The following SIPA1L1 variants were observed in gnomAD, a reference collection of about 807,000 sequenced individuals.
The protein encoded by SIPA1L1 is signal induced proliferation associated 1 like 1, also known as signal-induced proliferation-associated 1-like protein 1.
A neutral mutation model predicts 162.7 loss-of-function variants in SIPA1L1; 26 were observed. The ratio of observed to expected loss-of-function variants is 0.16; its 90% CI spans 0.12 to 0.22. The LOEUF is 0.22. Among genes scored for constraint, SIPA1L1 ranks in the 10% least tolerant of loss-of-function variants. The pLI is 1.00. For missense variants in SIPA1L1, 1,874 were observed against 2,241.0 expected, an observed-to-expected ratio of 0.84 and a Z score of 3.31; for synonymous variants, 829 against 837.4, an observed-to-expected ratio of 0.99 and a Z score of 0.17.
At chr14:71,601,259 G>A (rs955298413) in intron 5 of SIPA1L1, among the ~76,000 whole-genome samples, 2 of 152,058 alleles carry the variant, frequency 1.3e-5, no homozygotes, top group African/African-American at 4.8e-5. Flanking sequence ...TGATGTTGAG[G>A]TCTGTTTCTT....
chr14:71,365,566 G>A (rs1194838152), intron 2 of SIPA1L1, among the ~76,000 whole-genome samples: 1 of 152,062 alleles, frequency 6.6e-6, no homozygotes, highest in Non-Finnish European at 1.5e-5. Flanking sequence ...TCCCAGTGGA[G>A]CATACAAGTT....
chr14:71,442,862 G>A (rs1014694015), intron 2 of SIPA1L1, among the ~76,000 whole-genome samples: 2 of 152,196 alleles, frequency 1.3e-5, no homozygotes, highest in African/African-American at 4.8e-5. Flanking sequence ...CTTGAGCCCA[G>A]GAGGTCAAGG....
rs1035695338 is a variant in SIPA1L1 at position 71,587,699 on chromosome 14, A to G, written c.-174A>G. The G allele has an allele frequency of 6.2e-6, 4 of 642,094 alleles. No homozygotes were observed. Among genetic ancestry groups the G allele is most frequent in the Admixed American group, 5.7e-5 (2 of 35,044 alleles). The allele number at this position is 642,094 out of a possible 1,614,324, so 39.8% of individuals were successfully genotyped here. A position where few individuals can be genotyped will look rare whatever the true frequency, so the allele number is the denominator to read the frequency against. ...GTGGATTATAACGTTTAGAAGTTCCAATTTTTCAGTGCTTTACAAATAAAG... is the reference window on the plus strand; with the variant it reads ...GTGGATTATAACGTTTAGAAGTTCCGATTTTTCAGTGCTTTACAAATAAAG... On this transcript the variant is annotated 5_prime_UTR_variant, in exon 5 of 24. Transcript: ENST00000381232.
intron 7 of SIPA1L1, among the ~76,000 whole-genome samples, chr14:71,632,884 T>G (rs2040724032): frequency 6.6e-6 from 1 of 152,224 alleles, no homozygotes; most frequent in African/African-American, 2.4e-5. Flanking sequence ...GAAGGCCTGC[T>G]AAATAGAGGA....
At chr14:71,485,323 C>T (rs1310223303) in intron 2 of SIPA1L1, among the ~76,000 whole-genome samples, 2 of 152,208 alleles carry the variant, frequency 1.3e-5, no homozygotes, top group East Asian at 3.9e-4. Flanking sequence ...TCTGTGGCCT[C>T]TTGGGAACTG....
intron 6 of SIPA1L1, among the ~76,000 whole-genome samples, chr14:71,621,462 A>T (rs1487220112): frequency 6.6e-6 from 1 of 152,072 alleles, no homozygotes; most frequent in Non-Finnish European, 1.5e-5. Flanking sequence ...CAGGGCTCAG[A>T]TGCCCGTCAT....
chr14:71,407,351 T>C (rs1208904215), intron 2 of SIPA1L1, among the ~76,000 whole-genome samples: 2 of 152,220 alleles, frequency 1.3e-5, no homozygotes, highest in Non-Finnish European at 2.9e-5. Context: ...TAGACAGTTT[T>C]AGGCTGCAAC....
At chr14:71,735,975 T>C (rs1394453664) in intron 22 of SIPA1L1, among the ~76,000 whole-genome samples, 2 of 152,322 alleles carry the variant, frequency 1.3e-5, no homozygotes, top group Admixed American at 1.3e-4. Context: ...AGTTTCAAAA[T>C]GGTGAGGTTG....
intron 2 of SIPA1L1, among the ~76,000 whole-genome samples, chr14:71,458,862 G>A (rs1255359151): frequency 2.6e-5 from 4 of 152,030 alleles, no homozygotes; most frequent in Non-Finnish European, 5.9e-5. Flanking sequence ...CCTGAGCTCA[G>A]GAGTTAGAGA....
chr14:71,727,758 G>A (rs2084376707), intron 19 of SIPA1L1, among the ~76,000 whole-genome samples: 1 of 152,262 alleles, frequency 6.6e-6, no homozygotes, highest in South Asian at 2.1e-4. Context: ...AAGGCAGGCA[G>A]GGGCTGCTCT....
chr14:71,638,402 T>C (rs1485072698), intron 7 of SIPA1L1, among the ~76,000 whole-genome samples: 1 of 152,194 alleles, frequency 6.6e-6, no homozygotes, highest in Non-Finnish European at 1.5e-5. Context: ...AATCAATTAA[T>C]GTAGCCCATC....
At chr14:71,624,883 A>G (rs924885634) in intron 7 of SIPA1L1, among the ~76,000 whole-genome samples, 2 of 152,198 alleles carry the variant, frequency 1.3e-5, no homozygotes, top group Admixed American at 1.3e-4. Context: ...ATTTTTAAAT[A>G]TAAAAATGTA....
intron 7 of SIPA1L1, among the ~76,000 whole-genome samples, chr14:71,639,926 C>T (rs1327510431): frequency 6.6e-6 from 1 of 151,838 alleles, no homozygotes; most frequent in Non-Finnish European, 1.5e-5. Context: ...TTTTTTGAGA[C>T]TGAGTCTTGC....
intron 12 of SIPA1L1, among the ~76,000 whole-genome samples, chr14:71,675,536 G>T (rs2045059397): frequency 6.6e-6 from 1 of 152,222 alleles, no homozygotes; most frequent in South Asian, 2.1e-4. Flanking sequence ...ACTTCAAAGG[G>T]AACAGCTGAA....
At chr14:71,607,967 G>A (rs1226034415) in intron 5 of SIPA1L1, among the ~76,000 whole-genome samples, 1 of 152,164 alleles carries the variant, frequency 6.6e-6, no homozygotes, top group Non-Finnish European at 1.5e-5. Flanking sequence ...TTTCCCAAAT[G>A]TATACCTCAT....
chr14:71,515,145 TA>T (rs952589201), intron 3 of SIPA1L1, among the ~76,000 whole-genome samples: 2 of 152,332 alleles, frequency 1.3e-5, no homozygotes, highest in African/African-American at 4.8e-5. Context: ...AAAAATTTCA[TA>T]AAGAACCTGA....
At chr14:71,470,994 C>T (rs2047409121) in intron 2 of SIPA1L1, among the ~76,000 whole-genome samples, 1 of 152,042 alleles carries the variant, frequency 6.6e-6, no homozygotes, top group Non-Finnish European at 1.5e-5. Context: ...CCCACCACCA[C>T]ACCCAGCAAA....
In SIPA1L1 at chr14:71,484,089, A is replaced by G. The variant is rs2048557503; in HGVS notation, c.-464-28654A>G. Among the ~76,000 whole-genome samples, 3 of 152,206 alleles carry G rather than the reference A, an allele frequency of 2.0e-5. No homozygotes were observed. In the South Asian group the frequency reaches 6.2e-4, roughly 31 times the overall value. On this transcript the variant is annotated intron_variant, in intron 2 of 23. Transcript: ENST00000381232. The stretch of plus-strand genomic sequence containing the variant: ...TCTAGCCTGCTGCAGAAACGGACAC[A>G]TATAATAGACACTATCCTCAGTATG...
chr14:71,631,368 A>C (rs890094692), intron 7 of SIPA1L1, among the ~76,000 whole-genome samples: 1 of 152,204 alleles, frequency 6.6e-6, no homozygotes, highest in African/African-American at 2.4e-5. Context: ...ATAGTAGCAT[A>C]GTATTTTGTT....
Sources: gnomAD v4.1 joint callset for allele counts (sites outside exome capture counted in the v4.1 genomes callset) on GRCh38, gnomAD v4.1.1 for gene constraint, MANE v1.5 for transcripts, NCBI Gene and HGNC (gene_info 2026-07-23, HGNC 2026-07-21) for gene names.